The following AGFG2 variants were observed in gnomAD, a reference collection of about 807,000 sequenced individuals.
AGFG2 encodes ArfGAP with FG repeats 2.
Under a neutral mutation model 48.0 loss-of-function variants are expected in AGFG2, and 31 were observed. The ratio of observed to expected loss-of-function variants is 0.65; its 90% CI spans 0.49 to 0.87. The LOEUF is 0.87. Among genes scored for constraint, AGFG2 ranks in the 40% least tolerant of loss-of-function variants. The pLI, the probability that AGFG2 is intolerant of heterozygous loss-of-function variation, is 0.00. For missense variants in AGFG2, 599 were observed against 632.6 expected, an observed-to-expected ratio of 0.95 and a Z score of 0.57; for synonymous variants, 229 against 260.8, an observed-to-expected ratio of 0.88 and a Z score of 1.18.
At chr7:100,548,317 G>C (rs976237888) in intron 1 of AGFG2, among the ~76,000 whole-genome samples, 2 of 151,870 alleles carry the variant, frequency 1.3e-5, no homozygotes, top group African/African-American at 2.4e-5. Flanking sequence ...GGGGTTGGAG[G>C]GGGGTGGTGG....
At chr7:100,552,879 G>T (rs1308255252) in intron 3 of AGFG2, among the ~76,000 whole-genome samples, 1 of 152,194 alleles carries the variant, frequency 6.6e-6, no homozygotes, top group Non-Finnish European at 1.5e-5. Flanking sequence ...GCCAGGTGTG[G>T]TGGCTCATGC....
chr7:100,562,230 T>TCC lies in AGFG2; in HGVS notation c.878-27_878-26dup. ...CTCCCGCCCTGTCTTACCTCAGCTC[T>TCC]CCCTGTTGTATTTTCCACAACTGCC... On this transcript the variant is annotated intron_variant, in intron 6 of 11. Coordinates refer to ENST00000300176, the MANE Select transcript of AGFG2 (RefSeq NM_006076.5). This position sits in a 1 kb window ranked among gnomAD's most constrained non-coding sequence, Gnocchi z 5.4. 1 of 1,608,960 alleles carries TCC rather than the reference T, an allele frequency of 6.2e-7. No homozygotes were observed. Among genetic ancestry groups the TCC allele is most frequent in the Non-Finnish European group, 8.5e-7 (1 of 1,176,658 alleles).
Position 100,562,133 on chromosome 7 carries a change from G to A in AGFG2, c.878-126G>A, listed in dbSNP as rs535165591. The A allele has an allele frequency of 1.5e-5, 20 of 1,337,938 alleles. No individual in the cohort carries two copies. In the South Asian group the frequency reaches 2.6e-4, roughly 17 times the overall value. 82.9% of individuals were successfully genotyped at this position (1,337,938 alleles called of 1,614,324 possible). The stretch of plus-strand genomic sequence containing the variant: ...CCCTGAGAAAATGGGCTGCCTCAGA[G>A]AACCCAGCAGGCACCTGTCATGCCA... On this transcript the variant is annotated intron_variant, in intron 6 of 11. Coordinates refer to ENST00000300176, the MANE Select transcript of AGFG2 (RefSeq NM_006076.5). This position sits in a 1 kb window ranked among gnomAD's most constrained non-coding sequence, Gnocchi z 5.4.
At chr7:100,549,035 A>G in intron 2 of AGFG2, 120 bp downstream of exon 2, 1 of 764,504 alleles carries the variant, frequency 1.3e-6, no homozygotes, top group Non-Finnish European at 2.2e-6. Flanking sequence ...ATTTTTTCAT[A>G]TGTATGATTT....
chr7:100,550,830 T>C (rs1265004395), intron 3 of AGFG2, among the ~76,000 whole-genome samples: 1 of 151,042 alleles, frequency 6.6e-6, no homozygotes, highest in Non-Finnish European at 1.5e-5. Context: ...GCACACATCC[T>C]ATAGTTTTAT....
intron 9 of AGFG2, among the ~76,000 whole-genome samples, 172 bp from the exon 10 acceptor site, chr7:100,563,662 G>GC (rs755579959): frequency 1.1e-4 from 17 of 152,334 alleles, no homozygotes; most frequent in Non-Finnish European, 2.4e-4. Flanking sequence ...CAGGGAGAGG[G>GC]CAGGGTTGTT....
chr7:100,542,725 C>T (rs906806409), intron 1 of AGFG2, among the ~76,000 whole-genome samples: 6 of 152,032 alleles, frequency 3.9e-5, no homozygotes, highest in African/African-American at 7.2e-5. Flanking sequence ...CATGGTGGCA[C>T]GGAGACCAAT....
At chr7:100,550,305 CAAAA>C (rs61255061) in intron 2 of AGFG2, 87 bp from the exon 3 acceptor site, 4,592 of 292,456 alleles carry the variant, frequency 0.016, no homozygotes, top group East Asian at 0.018. Flanking sequence ...GACTCCGTCT[CAAAA>C]AAAAAAAAAA....
At chr7:100,551,062 ATATATTTCT>A (rs1800629945) in intron 3 of AGFG2, among the ~76,000 whole-genome samples, 4 of 73,900 alleles carry the variant, frequency 5.4e-5, no homozygotes, top group Admixed American at 1.3e-4. Context: ...ATATATATAT[ATATATTTCT>A]TTTTTTTTTT....
At chr7:100,553,651 G>C (rs550894962) in intron 4 of AGFG2, 151 bp downstream of exon 4, 2 of 972,290 alleles carry the variant, frequency 2.1e-6, no homozygotes, top group East Asian at 2.8e-5. Context: ...TCTTGTATTT[G>C]TCACTTCTGG....
At chr7:100,559,512 G>T (rs1800821118) in intron 6 of AGFG2, among the ~76,000 whole-genome samples, 1 of 152,088 alleles carries the variant, frequency 6.6e-6, no homozygotes, top group African/African-American at 2.4e-5. Flanking sequence ...AAATCTAGCT[G>T]CGTGGTATAA....
At position 100,548,873 on chromosome 7, in the gene AGFG2, C is replaced by T. The variant is rs1800566791; in HGVS notation, c.273C>T (p.Phe91=). The part of the protein sequence containing the change: ...HRVKSISMTT[F]TEPEVVFLQS... Reference sequence around the variant, plus strand: ...TCAAGTCAATCTCCATGACAACTTTCACTGAGCCTGAAGTAGTATTCCTGC... The same window carrying T: ...TCAAGTCAATCTCCATGACAACTTTTACTGAGCCTGAAGTAGTATTCCTGC... Residue 91 remains phenylalanine, a synonymous_variant, in exon 2 of 12, where the codon TTC becomes TTT. Transcript: ENST00000300176. 3.7e-6 allele frequency: 6 copies of T among 1,613,748 alleles called. No individual in the cohort carries two copies. Among genetic ancestry groups the T allele is most frequent in the South Asian group, 3.3e-5 (3 of 91,080 alleles).
chr7:100,551,861 T>A (rs1446658322), intron 3 of AGFG2, among the ~76,000 whole-genome samples: 1 of 113,008 alleles, frequency 8.8e-6, no homozygotes, highest in African/African-American at 3.6e-5. Context: ...TACTCCAGCC[T>A]GGGCAAAGAG....
chr7:100,555,279 T>G (rs1800736131), intron 5 of AGFG2, among the ~76,000 whole-genome samples: 1 of 140,148 alleles, frequency 7.1e-6, no homozygotes, highest in Admixed American at 7.1e-5. Flanking sequence ...TTTTTTTTTT[T>G]TTTTTTTTTT....
intron 1 of AGFG2, among the ~76,000 whole-genome samples, chr7:100,541,137 T>C (rs1298932308): frequency 1.3e-5 from 2 of 152,116 alleles, no homozygotes; most frequent in East Asian, 3.8e-4. Flanking sequence ...ACTTATCCAG[T>C]GCCATATGGG....
intron 2 of AGFG2, among the ~76,000 whole-genome samples, chr7:100,549,368 A>T (rs1800578983): frequency 1.3e-5 from 2 of 152,200 alleles, no homozygotes; most frequent in Admixed American, 1.3e-4. Flanking sequence ...CCTTGGCGTT[A>T]GCAGTACCCC....
chr7:100,546,901 T>C (rs1745308587), intron 1 of AGFG2, among the ~76,000 whole-genome samples: 1 of 152,206 alleles, frequency 6.6e-6, no homozygotes, highest in South Asian at 2.1e-4. Flanking sequence ...TTGTTTGATA[T>C]GTAGTAACAA....
At position 100,562,492 on chromosome 7, in the gene AGFG2, C is replaced by T; in HGVS notation, c.999-102C>T. On this transcript the variant is annotated intron_variant, in intron 7 of 11. Transcript: ENST00000300176. This position sits in a 1 kb window ranked among gnomAD's most constrained non-coding sequence, Gnocchi z 5.4. ...TGGCAGTTCTCCCCTCCCCTCCTCT[C>T]CCTTACTCACCCTGGAGAGCAGGGT... The T allele has an allele frequency of 6.2e-7, 1 of 1,601,706 alleles. No individual in the cohort carries two copies. The highest frequency in any genetic ancestry group is 8.5e-7 in the Non-Finnish European group (1 of 1,173,576).
chr7:100,563,873 C>T lies in AGFG2; in HGVS notation c.1211C>T (p.Pro404Leu), dbSNP rs1402818648. 1 of 1,611,148 alleles carries T rather than the reference C, an allele frequency of 6.2e-7. No homozygotes were observed. The highest frequency in any genetic ancestry group is 8.5e-7 in the Non-Finnish European group (1 of 1,180,018). The stretch of plus-strand genomic sequence containing the variant: ...ATGAGCAGTGCTGGGCCTGGCTTCC[C>T]CCAGGCAGTGCCACCCACTGGGGCC... ...FGMSSAGPGF[P>L]QAVPPTGAFA... Residue 404 changes from proline to leucine, a missense_variant, in exon 10 of 12, where the codon CCC becomes CTC. Physicochemically the swap from Pro to Leu is moderately conservative, Grantham distance 98 (BLOSUM62 -3). Coordinates refer to ENST00000300176, the MANE Select transcript of AGFG2 (RefSeq NM_006076.5).
Sources: gnomAD v4.1 joint callset for allele counts (sites outside exome capture counted in the v4.1 genomes callset) on GRCh38, gnomAD v4.1.1 for gene constraint, Gnocchi (gnomAD v3.1) non-coding constraint, MANE v1.5 for transcripts, NCBI Gene and HGNC (gene_info 2026-07-23, HGNC 2026-07-21) for gene names.